The following LPIN2 variants were observed in gnomAD, a reference collection of about 807,000 sequenced individuals.
LPIN2 encodes phosphatidate phosphatase LPIN2.
Under a neutral mutation model 111.4 loss-of-function variants are expected in LPIN2, and 55 were observed. The ratio of observed to expected loss-of-function variants is 0.49; its 90% CI spans 0.40 to 0.62. The LOEUF (loss-of-function observed/expected upper bound fraction) is 0.62, where lower values mean the gene tolerates loss of function less well. Ranked by LOEUF, LPIN2 falls within the 20% of genes least tolerant of loss-of-function variation. The pLI is 0.00. For missense variants in LPIN2, 992 were observed against 1,112.1 expected, an observed-to-expected ratio of 0.89 and a Z score of 1.54; for synonymous variants, 425 against 414.0, an observed-to-expected ratio of 1.03 and a Z score of -0.32.
At chr18:2,935,913 A>T (rs541812253) in intron 7 of LPIN2, among the ~76,000 whole-genome samples, 2 of 152,210 alleles carry the variant, frequency 1.3e-5, no homozygotes, top group Non-Finnish European at 2.9e-5. Context: ...TCCTGTCTCT[A>T]GTCAGATCCT....
intron 1 of LPIN2, among the ~76,000 whole-genome samples, chr18:2,985,815 C>T (rs898760959): frequency 1.3e-5 from 2 of 152,148 alleles, no homozygotes; most frequent in African/African-American, 4.8e-5. Context: ...ATTGTACTCC[C>T]CCCCAGTGGC....
At chr18:2,989,606 T>C (rs1419177890) in intron 1 of LPIN2, among the ~76,000 whole-genome samples, 1 of 51,272 alleles carries the variant, frequency 2.0e-5, no homozygotes, top group African/African-American at 5.4e-5. Flanking sequence ...CTTCCATTTC[T>C]TGATTTCAAA....
At chr18:2,926,209 C>A (rs1208664685) in intron 13 of LPIN2, among the ~76,000 whole-genome samples, 1 of 152,196 alleles carries the variant, frequency 6.6e-6, no homozygotes, top group African/African-American at 2.4e-5. Flanking sequence ...AATAAACCCT[C>A]AGCCTTAGAC....
chr18:2,999,664 G>A lies in LPIN2; in HGVS notation c.-10+13423C>T, dbSNP rs372377381. 5.9e-5 allele frequency among the ~76,000 whole-genome samples: 9 copies of A among 151,690 alleles called. No homozygotes were observed. The East Asian group carries it at 1.2e-3, about 20-fold the overall frequency. On this transcript the variant is annotated intron_variant, in intron 1 of 19. Coordinates refer to ENST00000677752, the MANE Select transcript of LPIN2 (RefSeq NM_001375808.2). ...GAGACAGACATGCACACAGAAGAACGCCATGTGAATATAAAGGCAGAGATT... is the reference window on the plus strand; with the variant it reads ...GAGACAGACATGCACACAGAAGAACACCATGTGAATATAAAGGCAGAGATT...
rs749200665 is a variant in LPIN2, at chr18:2,927,711, A to G, written c.1710+11T>C. Reference sequence around the variant, plus strand: ...TCAGCCCACGGAAACAATGACCTCTAGGTCTGTTACCTGTTTGGTCATGCT... The same window carrying G: ...TCAGCCCACGGAAACAATGACCTCTGGGTCTGTTACCTGTTTGGTCATGCT... On this transcript the variant is annotated intron_variant, in intron 12 of 19. Coordinates refer to ENST00000677752, the MANE Select transcript of LPIN2 (RefSeq NM_001375808.2). 1 of 1,612,832 alleles carries G rather than the reference A, an allele frequency of 6.2e-7. No homozygotes were observed. The highest frequency in any genetic ancestry group is 1.1e-5 in the South Asian group (1 of 91,044).
rs1383642994 is a variant in LPIN2, at chr18:2,996,495, T to TTTTG, written c.-10+16591_-10+16592insCAAA. Among the ~76,000 whole-genome samples, 129 of 104,246 alleles carry TTTTG rather than the reference T, an allele frequency of 1.2e-3. 19 individuals carry two copies. The highest frequency in any genetic ancestry group is 4.2e-3 in the African/African-American group (111 of 26,548). 68.4% of individuals were successfully genotyped at this position (104,246 alleles called of 152,430 possible). A position where few individuals can be genotyped will look rare whatever the true frequency, so the allele number is the denominator to read the frequency against. On this transcript the variant is annotated intron_variant, in intron 1 of 19. Coordinates refer to ENST00000677752, the MANE Select transcript of LPIN2 (RefSeq NM_001375808.2). Reference sequence around the variant, plus strand: ...TTTTTTTTTTTTTTTTTTTTTTTTTTGAGACAGAGTCTCTCTCTGTCACCC... The same window carrying TTTTG: ...TTTTTTTTTTTTTTTTTTTTTTTTTTTTTGGAGACAGAGTCTCTCTCTGTCACCC...
chr18:3,010,921 G>A (rs2078592112), intron 1 of LPIN2, among the ~76,000 whole-genome samples: 1 of 152,152 alleles, frequency 6.6e-6, no homozygotes, highest in Admixed American at 6.5e-5. Context: ...ATTCATCCAT[G>A]CCTCACCATT....
At chr18:2,930,531 G>A (rs561835454) in intron 9 of LPIN2, among the ~76,000 whole-genome samples, 42 of 152,278 alleles carry the variant, frequency 2.8e-4, no homozygotes, top group Non-Finnish European at 5.6e-4. Context: ...TTCCTCTAAG[G>A]GAGAGGGAAG....
chr18:2,946,818 C>T (rs569826923), intron 4 of LPIN2: 3 of 424,446 alleles, frequency 7.1e-6, no homozygotes, highest in Non-Finnish European at 1.3e-5. Context: ...CTAGCAGCAA[C>T]CTTAGCACAG....
chr18:2,945,732 T>C (rs2077440926), intron 4 of LPIN2: 1 of 1,217,256 alleles, frequency 8.2e-7, no homozygotes, highest in Non-Finnish European at 1.2e-6. Context: ...CTTCTCTCCT[T>C]CAAATACAAT....
At chr18:2,965,890 TA>T (rs60101231) in intron 1 of LPIN2, among the ~76,000 whole-genome samples, 82 of 152,134 alleles carry the variant, frequency 5.4e-4, no homozygotes, top group African/African-American at 1.8e-3. Flanking sequence ...TTAAAAACAA[TA>T]AAAAAAATTC....
chr18:3,000,858 AT>A lies in LPIN2; in HGVS notation c.-10+12228del, dbSNP rs1203747312. 4.0e-5 allele frequency among the ~76,000 whole-genome samples: 6 copies of A among 151,362 alleles called. No homozygotes were observed. The East Asian group carries it at 1.2e-3, about 30-fold the overall frequency. On this transcript the variant is annotated intron_variant, in intron 1 of 19. Transcript: ENST00000677752. The stretch of plus-strand genomic sequence containing the variant: ...TCTCGTCCAAAAACTGAGATGGCAA[AT>A]CCCAAACCAAGGTGCTTCATCAAGA...
At chr18:2,985,812 TC>T (rs940233533) in intron 1 of LPIN2, among the ~76,000 whole-genome samples, 5 of 151,844 alleles carry the variant, frequency 3.3e-5, no homozygotes, top group Admixed American at 1.3e-4. Flanking sequence ...ATAATTGTAC[TC>T]CCCCCCAGTG....
chr18:2,982,918 AGC>A, intron 1 of LPIN2: 1 of 356,194 alleles, frequency 2.8e-6, no homozygotes, highest in Non-Finnish European at 5.5e-6. Flanking sequence ...AAAAAAAAAA[AGC>A]AATGCATACA....
At chr18:2,927,679 A>C in intron 12 of LPIN2, 43 bp downstream of exon 12, 1 of 1,588,468 alleles carries the variant, frequency 6.3e-7, no homozygotes, top group South Asian at 1.1e-5. Flanking sequence ...TGAAAGATTC[A>C]TTTCTTTCAG....
rs376170299 is a variant in LPIN2, at chr18:2,928,728, CAGGG to C, written c.1551-72_1551-69del. ...GTGAGCAAGAGAGAGGGGAGGGAATCAGGGAGGGAGGGAGGAGGGAAGTGACATA... is the reference window on the plus strand; with the variant it reads ...GTGAGCAAGAGAGAGGGGAGGGAATCAGGGAGGGAGGAGGGAAGTGACATA... On this transcript the variant is annotated intron_variant, in intron 10 of 19. Coordinates refer to ENST00000677752, the MANE Select transcript of LPIN2 (RefSeq NM_001375808.2). 139 of 1,137,350 alleles carry C rather than the reference CAGGG, an allele frequency of 1.2e-4. 1 individual carries two copies. The highest frequency in any genetic ancestry group is 6.5e-4 in the African/African-American group (43 of 65,746). The allele number at this position is 1,137,350 out of a possible 1,614,324, so 70.5% of individuals were successfully genotyped here. A position where few individuals can be genotyped will look rare whatever the true frequency, so the allele number is the denominator to read the frequency against.
Position 2,958,166 on chromosome 18 carries a change from A to AAAAAAAAAAAAAAAAAAAC in LPIN2, c.192+2482_192+2483insGTTTTTTTTTTTTTTTTTT, listed in dbSNP as rs1568571302. Reference sequence around the variant, plus strand: ...CAAAAAAAAAAAAAAAACAACAAAAAAAAAAAACAGAAAAAAGAAAAAAAA... The same window carrying AAAAAAAAAAAAAAAAAAAC: ...CAAAAAAAAAAAAAAAACAACAAAAAAAAAAAAAAAAAAAAAAACAAAAAAACAGAAAAAAGAAAAAAAA... On this transcript the variant is annotated intron_variant, in intron 2 of 19. Transcript: ENST00000677752. 2.7e-5 allele frequency among the ~76,000 whole-genome samples: 4 copies of AAAAAAAAAAAAAAAAAAAC among 146,090 alleles called. No individual in the cohort carries two copies. The East Asian group carries it at 6.3e-4, about 23-fold the overall frequency.
chr18:2,983,558 T>C (rs971067623), intron 1 of LPIN2, among the ~76,000 whole-genome samples: 2 of 152,182 alleles, frequency 1.3e-5, no homozygotes, highest in Admixed American at 1.3e-4. Context: ...TTTCATACCA[T>C]TGTCTAGGAT....
intron 1 of LPIN2, among the ~76,000 whole-genome samples, chr18:2,986,505 A>T: frequency 6.9e-6 from 1 of 145,056 alleles, no homozygotes; most frequent in Admixed American, 7.3e-5. Context: ...TTTAAAATTC[A>T]CACATTTTGT....
Sources: allele counts gnomAD v4.1 joint callset (sites outside exome capture counted in the v4.1 genomes callset), GRCh38; gene constraint gnomAD v4.1.1; transcripts MANE v1.5; gene names NCBI Gene and HGNC (gene_info 2026-07-23, HGNC 2026-07-21).